Variants in DZIP1 observed in about 807,000 individuals in gnomAD.
The protein encoded by DZIP1 is cilium assembly protein DZIP1.
In DZIP1, 97 loss-of-function variants were observed where a neutral mutation model predicts 107.6. The ratio of observed to expected loss-of-function variants is 0.90; its 90% CI spans 0.77 to 1.07. DZIP1 has a LOEUF of 1.07. DZIP1 is among the 50% of genes least tolerant of loss of function. The pLI, the probability that DZIP1 is intolerant of heterozygous loss-of-function variation, is 0.00. For missense variants in DZIP1, 1,035 were observed against 1,063.6 expected, an observed-to-expected ratio of 0.97 and a Z score of 0.37; for synonymous variants, 390 against 386.4, an observed-to-expected ratio of 1.01 and a Z score of -0.11.
At chr13:95,615,426 A>T (rs1193984968) in intron 10 of DZIP1, among the ~76,000 whole-genome samples, 2 of 152,198 alleles carry the variant, frequency 1.3e-5, no homozygotes, top group Non-Finnish European at 2.9e-5. Context: ...GATTTTAATG[A>T]TCTAAGAGCA....
intron 12 of DZIP1, 98 bp from the exon 13 acceptor site, chr13:95,609,611 A>C: frequency 1.3e-6 from 1 of 753,236 alleles, no homozygotes; most frequent in African/African-American, 1.8e-5. Flanking sequence ...AAAAAACATA[A>C]ATGAAATGTA....
At chr13:95,591,794 A>G (rs932792176) in intron 16 of DZIP1, among the ~76,000 whole-genome samples, 2 of 152,244 alleles carry the variant, frequency 1.3e-5, no homozygotes, top group African/African-American at 4.8e-5. Flanking sequence ...TACAAAATTT[A>G]AAACAATTTC....
chr13:95,642,243 T>C lies in DZIP1; in HGVS notation c.-212-2A>G, dbSNP rs1355781120. ...CAGGGTCAGCGTGCACCCAGAACCC[T>C]GCGGGACCAGAGAAGACCTCTTGGA... is the stretch of plus-strand genomic sequence containing the variant. On this transcript the variant is annotated splice_acceptor_variant, in intron 3 of 22. Transcript: ENST00000376829. LOFTEE classifies it low-confidence loss of function (5UTR_SPLICE). The C allele has an allele frequency of 1.7e-5, 9 of 544,544 alleles. No individual in the cohort carries two copies. The highest frequency in any genetic ancestry group is 2.8e-5 in the Non-Finnish European group (9 of 324,588). 33.7% of individuals were successfully genotyped at this position (544,544 alleles called of 1,614,324 possible). A position where few individuals can be genotyped will look rare whatever the true frequency, so the allele number is the denominator to read the frequency against.
At chr13:95,610,158 G>A (rs1408555653) in intron 12 of DZIP1, among the ~76,000 whole-genome samples, 1 of 151,310 alleles carries the variant, frequency 6.6e-6, no homozygotes, top group Non-Finnish European at 1.5e-5. Context: ...GAGAGTTCTT[G>A]AATGATATGG....
chr13:95,626,490 C>T (rs1212614250), intron 7 of DZIP1, among the ~76,000 whole-genome samples: 1 of 152,050 alleles, frequency 6.6e-6, no homozygotes, highest in Admixed American at 6.6e-5. Flanking sequence ...ACCAGACTGA[C>T]CCAATACAAA....
chr13:95,600,502 T>TTTTTTATTCA (rs1428804579), intron 14 of DZIP1, among the ~76,000 whole-genome samples: 1 of 146,692 alleles, frequency 6.8e-6, no homozygotes, highest in Non-Finnish European at 1.5e-5. Flanking sequence ...AAGGGTCTGG[T>TTTTTTATTCA]TTTTTATTCA....
At position 95,582,116 on chromosome 13, in the gene DZIP1, CTG is replaced by C. The variant is rs1272092127; in HGVS notation, c.*116_*117del. 39 of 893,198 alleles carry C rather than the reference CTG, an allele frequency of 4.4e-5. No individual in the cohort carries two copies. The highest frequency in any genetic ancestry group is 6.4e-5 in the Non-Finnish European group (35 of 546,276). 55.3% of individuals were successfully genotyped at this position (893,198 alleles called of 1,614,324 possible). On this transcript the variant is annotated 3_prime_UTR_variant, in exon 23 of 23. Transcript: ENST00000376829. ...AGACCATTGTTCTTTGAATCAGTCTCTGTGTTGCTGTGGGAAACACGGTAAGG... is the reference window on the plus strand; with the variant it reads ...AGACCATTGTTCTTTGAATCAGTCTCTGTTGCTGTGGGAAACACGGTAAGG...
chr13:95,618,732 A>G (rs1875458189), intron 10 of DZIP1, among the ~76,000 whole-genome samples: 1 of 152,198 alleles, frequency 6.6e-6, no homozygotes, highest in Admixed American at 6.5e-5. Flanking sequence ...ATACACATAC[A>G]TATTATATGA....
In DZIP1 at chr13:95,642,118, C is replaced by T; in HGVS notation, c.-89G>A. The T allele has an allele frequency of 7.1e-7, 1 of 1,405,868 alleles. No homozygotes were observed. The highest frequency in any genetic ancestry group is 2.7e-4 in the Middle Eastern group (1 of 3,744). The allele number at this position is 1,405,868 out of a possible 1,614,324, so 87.1% of individuals were successfully genotyped here. On this transcript the variant is annotated 5_prime_UTR_variant, in exon 4 of 23. Coordinates refer to ENST00000376829, the MANE Select transcript of DZIP1 (RefSeq NM_198968.4). Reference sequence around the variant, plus strand: ...TCAGGAGCGGGAGAAGGCCGGGTTCCTCGCTTCCGCGGCGGCGGCGGCCTA... The same window carrying T: ...TCAGGAGCGGGAGAAGGCCGGGTTCTTCGCTTCCGCGGCGGCGGCGGCCTA...
chr13:95,634,864 T>A (rs1347192409), intron 5 of DZIP1, among the ~76,000 whole-genome samples: 29 of 152,264 alleles, frequency 1.9e-4, no homozygotes, highest in Non-Finnish European at 4.4e-5. Context: ...TTTCACATAT[T>A]GTCTTAGAAA....
chr13:95,611,369 G>GTA (rs1485262806), intron 12 of DZIP1, 76 bp downstream of exon 12: 1 of 1,124,452 alleles, frequency 8.9e-7, no homozygotes, highest in Non-Finnish European at 1.3e-6. Context: ...AAACAAGTGG[G>GTA]GCCCACATTC....
chr13:95,640,102 C>T (rs1878320139), intron 5 of DZIP1, among the ~76,000 whole-genome samples: 1 of 151,874 alleles, frequency 6.6e-6, no homozygotes, highest in Non-Finnish European at 1.5e-5. Flanking sequence ...AAGCGATTCT[C>T]CTGCCTCAGC....
chr13:95,627,580 T>A (rs1876693636), intron 7 of DZIP1, among the ~76,000 whole-genome samples: 1 of 152,144 alleles, frequency 6.6e-6, no homozygotes, highest in Non-Finnish European at 1.5e-5. Flanking sequence ...CAAACTCCGA[T>A]GAGATACCAC....
intron 7 of DZIP1, among the ~76,000 whole-genome samples, chr13:95,627,203 C>T (rs1876643867): frequency 6.6e-6 from 1 of 152,066 alleles, no homozygotes. Context: ...AGAGATAAAC[C>T]CAAACATCTA....
chr13:95,630,192 A>C (rs1877029861), intron 6 of DZIP1, 79 bp from the exon 7 acceptor site: 4 of 1,461,268 alleles, frequency 2.7e-6, no homozygotes, highest in Non-Finnish European at 2.7e-6. Context: ...AGTCCTGTTG[A>C]TAACACGAAG....
chr13:95,608,295 A>G (rs941586701), intron 13 of DZIP1, among the ~76,000 whole-genome samples: 1 of 152,062 alleles, frequency 6.6e-6, no homozygotes, highest in African/African-American at 2.4e-5. Flanking sequence ...TATAATACAA[A>G]TGTGTACATT....
At chr13:95,585,007 A>G (rs2044124113) in intron 21 of DZIP1, 97 bp from the exon 22 acceptor site, 1 of 929,610 alleles carries the variant, frequency 1.1e-6, no homozygotes, top group Non-Finnish European at 1.6e-6. Flanking sequence ...ACACTGAACC[A>G]TAAGGAAAGA....
rs763151704 is a variant in DZIP1 at position 95,642,075 on chromosome 13, C to A, written c.-46G>T. The A allele has an allele frequency of 6.7e-7, 1 of 1,487,424 alleles. No homozygotes were observed. Among genetic ancestry groups the A allele is most frequent in the Non-Finnish European group, 8.9e-7 (1 of 1,128,520 alleles). The allele number at this position is 1,487,424 out of a possible 1,614,324, so 92.1% of individuals were successfully genotyped here. A position where few individuals can be genotyped will look rare whatever the true frequency, so the allele number is the denominator to read the frequency against. On this transcript the variant is annotated 5_prime_UTR_variant, in exon 4 of 23. Coordinates refer to ENST00000376829, the MANE Select transcript of DZIP1 (RefSeq NM_198968.4). Reference sequence around the variant, plus strand: ...TACCCAGCCTGGGCCGCCTCCCGGGCCGCCGCCGCCACAGCCCTCAGGAGC... The same window carrying A: ...TACCCAGCCTGGGCCGCCTCCCGGGACGCCGCCGCCACAGCCCTCAGGAGC...
intron 22 of DZIP1, 67 bp from the exon 23 acceptor site, chr13:95,582,380 T>C: frequency 2.3e-6 from 3 of 1,291,382 alleles, no homozygotes; most frequent in Non-Finnish European, 3.4e-6. Context: ...GTCAAGTCTA[T>C]AAAAATCCAT....
Sources: gnomAD v4.1 joint callset for allele counts (sites outside exome capture counted in the v4.1 genomes callset) on GRCh38, gnomAD v4.1.1 for gene constraint, MANE v1.5 for transcripts, NCBI Gene and HGNC (gene_info 2026-07-23, HGNC 2026-07-21) for gene names.